PCGF5: variants seen among roughly 807,000 people sequenced by gnomAD.
PCGF5 encodes polycomb group ring finger 5, also known as polycomb group RING finger protein 5.
PCGF5 carries 9 observed loss-of-function variants against 44.3 expected under a neutral mutation model. That is an observed-to-expected ratio of 0.20 (90% CI 0.12 to 0.35). The LOEUF is 0.35. Among genes scored for constraint, PCGF5 ranks in the 10% least tolerant of loss-of-function variants. PCGF5 has a pLI of 1.00. For synonymous variants in PCGF5, 95 were observed against 102.5 expected (o/e 0.93, Z 0.44); for missense variants, 146 against 305.3 (o/e 0.48, Z 3.89).
At chr10:91,239,128 G>A (rs1170245312) in intron 2 of PCGF5, among the ~76,000 whole-genome samples, 1 of 152,018 alleles carries the variant, frequency 6.6e-6, no homozygotes, top group Non-Finnish European at 1.5e-5. Context: ...ATTTTTGGGG[G>A]GCGGAGGGGG....
At chr10:91,228,025 C>A in intron 2 of PCGF5, 3 of 798,838 alleles carry the variant, frequency 3.8e-6, no homozygotes, top group Non-Finnish European at 4.5e-6. Context: ...AACATGTAGG[C>A]ATTGTTGGTT....
chr10:91,251,835 A>G (rs1259948834), intron 6 of PCGF5, among the ~76,000 whole-genome samples: 1 of 151,916 alleles, frequency 6.6e-6, no homozygotes, highest in African/African-American at 2.4e-5. Flanking sequence ...TTTATTTGCA[A>G]CTCAACAAGA....
intron 1 of PCGF5, among the ~76,000 whole-genome samples, chr10:91,194,690 A>G (rs776371348): frequency 3.9e-5 from 6 of 152,206 alleles, no homozygotes; most frequent in Non-Finnish European, 8.8e-5. Context: ...TCGAATTCAA[A>G]AGCATAGAGA....
At chr10:91,181,302 C>T (rs1843815028) in intron 1 of PCGF5, among the ~76,000 whole-genome samples, 2 of 152,196 alleles carry the variant, frequency 1.3e-5, no homozygotes, top group Admixed American at 1.3e-4. Flanking sequence ...CATCTAAAAA[C>T]AGGGATAGTT....
intron 1 of PCGF5, among the ~76,000 whole-genome samples, chr10:91,183,267 C>A (rs759634010): frequency 6.6e-6 from 1 of 152,030 alleles, no homozygotes; most frequent in African/African-American, 2.4e-5. Context: ...CTTTATGAAT[C>A]TGGGTGTTCC....
At chr10:91,253,433 A>T (rs1845668854) in intron 6 of PCGF5, among the ~76,000 whole-genome samples, 1 of 151,956 alleles carries the variant, frequency 6.6e-6, no homozygotes, top group Non-Finnish European at 1.5e-5. Flanking sequence ...TCCCAAGCTG[A>T]AGTGTTATGT....
chr10:91,198,086 G>T (rs1010356401), intron 1 of PCGF5, among the ~76,000 whole-genome samples: 2 of 152,158 alleles, frequency 1.3e-5, no homozygotes, highest in East Asian at 3.9e-4. Context: ...TTACTTTTCA[G>T]GCAATGAGAA....
upstream of PCGF5, among the ~76,000 whole-genome samples, chr10:91,218,147 G>T (rs1464680606): frequency 6.6e-6 from 1 of 152,216 alleles, no homozygotes; most frequent in Non-Finnish European, 1.5e-5. Context: ...CTCTCAAGAG[G>T]TATTAAAGAA....
intron 2 of PCGF5, among the ~76,000 whole-genome samples, chr10:91,238,601 C>CTTTCTTTCTTTCTTT (rs1564644969): frequency 1.4e-4 from 8 of 58,472 alleles, no homozygotes; most frequent in African/African-American, 4.9e-4. Flanking sequence ...TTCTTTCTTT[C>CTTTCTTTCTTTCTTT]TTTTTTTTTT....
rs545378033 is a variant in PCGF5, at chr10:91,228,956, C to A, written c.112+5973C>A. ...CTGGTACACTAAAGTTTAAGAAGCA[C>A]TGCTTTGGATCAGACATTTATAATA... On this transcript the variant is annotated intron_variant, in intron 2 of 9. Coordinates refer to ENST00000336126, the MANE Select transcript of PCGF5 (RefSeq NM_032373.5). 3.9e-5 allele frequency among the ~76,000 whole-genome samples: 6 copies of A among 152,298 alleles called. No homozygotes were observed. The South Asian group carries it at 1.0e-3, about 26-fold the overall frequency.
intron 1 of PCGF5, among the ~76,000 whole-genome samples, chr10:91,201,632 C>G (rs1844253881): frequency 6.6e-6 from 1 of 152,088 alleles, no homozygotes; most frequent in Non-Finnish European, 1.5e-5. Flanking sequence ...AACCCCAAGG[C>G]AGCAAGAACA....
intron 1 of PCGF5, among the ~76,000 whole-genome samples, chr10:91,175,367 T>G (rs145285683): frequency 3.6e-3 from 549 of 152,180 alleles, no homozygotes; most frequent in Middle Eastern, 6.8e-3. Context: ...AAACCTAGGA[T>G]AGGTAATTCA....
intron 2 of PCGF5, among the ~76,000 whole-genome samples, chr10:91,232,900 GA>G (rs1845049698): frequency 6.6e-6 from 1 of 152,198 alleles, no homozygotes; most frequent in African/African-American, 2.4e-5. Flanking sequence ...CCTGGCAGAT[GA>G]AGGATTCACT....
chr10:91,202,119 G>T (rs1270103670), intron 1 of PCGF5, among the ~76,000 whole-genome samples: 1 of 152,146 alleles, frequency 6.6e-6, no homozygotes, highest in Non-Finnish European at 1.5e-5. Context: ...CACCCCCTAG[G>T]ATTATTGTGA....
chr10:91,276,105 G>GAA (rs60879476), intron 9 of PCGF5, among the ~76,000 whole-genome samples: 12,532 of 138,842 alleles, frequency 0.09, 769 homozygotes, highest in African/African-American at 0.18. Context: ...TTCCAGTTTT[G>GAA]AAAAAAAAAA....
intron 1 of PCGF5, among the ~76,000 whole-genome samples, chr10:91,203,962 C>T (rs1844298231): frequency 6.6e-6 from 1 of 152,128 alleles, no homozygotes; most frequent in South Asian, 2.1e-4. Flanking sequence ...CACTTTTATG[C>T]AGTTTTCATA....
chr10:91,162,667 G>A (rs1843406377), upstream of PCGF5, among the ~76,000 whole-genome samples: 1 of 151,336 alleles, frequency 6.6e-6, no homozygotes, highest in South Asian at 2.1e-4. Flanking sequence ...TCCAGGCCTG[G>A]GCACCGCCGT....
chr10:91,214,607 T>G (rs1397026467), intron 1 of PCGF5, among the ~76,000 whole-genome samples: 2 of 152,162 alleles, frequency 1.3e-5, no homozygotes, highest in East Asian at 3.8e-4. Flanking sequence ...AACGCAGCAT[T>G]AAGAACCCAG....
At chr10:91,240,417 C>T (rs1845292236) in intron 2 of PCGF5, 67 bp from the exon 3 acceptor site, 2 of 1,010,612 alleles carry the variant, frequency 2.0e-6, no homozygotes, top group South Asian at 3.0e-5. Context: ...TTTCTAATTA[C>T]ACTTAGTTTA....
Sources: allele counts gnomAD v4.1 joint callset (sites outside exome capture counted in the v4.1 genomes callset), GRCh38; gene constraint gnomAD v4.1.1; transcripts MANE v1.5; gene names NCBI Gene and HGNC (gene_info 2026-07-23, HGNC 2026-07-21).